The following TMEM272 variants were observed in gnomAD, a reference collection of about 807,000 sequenced individuals.
TMEM272 encodes the protein transmembrane protein 272, also known as long intergenic non-protein coding RNA 282.
Under a neutral mutation model 3.7 loss-of-function variants are expected in TMEM272, and 8 were observed. The observed-to-expected ratio is 2.17, with a 90% CI of 1.27 to 3.91. The LOEUF (loss-of-function observed/expected upper bound fraction) is 3.91. Ranked by LOEUF, TMEM272 falls within the 30% of genes most tolerant of loss-of-function variation. The pLI, the probability that TMEM272 is intolerant of heterozygous loss-of-function variation, is 0.00. For synonymous variants in TMEM272, 63 were observed against 39.8 expected (o/e 1.58, Z -2.20); for missense variants, 166 against 91.5 (o/e 1.81, Z -3.32).
At chr13:51,857,391 G>GA in the TMEM272 span, among the ~76,000 whole-genome samples, 1 of 152,040 alleles carries the variant, frequency 6.6e-6, no homozygotes, top group Non-Finnish European at 1.5e-5. Context: ...TGAAGAGCAT[G>GA]AAAAAAGGTA....
the TMEM272 span, among the ~76,000 whole-genome samples, chr13:51,858,215 C>T: frequency 6.6e-6 from 1 of 152,094 alleles, no homozygotes; most frequent in Non-Finnish European, 1.5e-5. Context: ...AAGATTTGAA[C>T]AACATAGGTA....
chr13:51,829,177 CAT>C (rs1956151683), intron 2 of TMEM272, among the ~76,000 whole-genome samples: 1 of 152,118 alleles, frequency 6.6e-6, no homozygotes, highest in Non-Finnish European at 1.5e-5. Context: ...AGTGACTCAA[CAT>C]ATGAGTTAAA....
the TMEM272 span, among the ~76,000 whole-genome samples, chr13:51,900,675 T>A: frequency 2.6e-5 from 4 of 152,104 alleles, no homozygotes; most frequent in Non-Finnish European, 5.9e-5. Context: ...CATGTCAGCA[T>A]TATTCATAGT....
At chr13:51,879,215 G>T in the TMEM272 span, among the ~76,000 whole-genome samples, 1 of 152,148 alleles carries the variant, frequency 6.6e-6, no homozygotes, top group Admixed American at 6.5e-5. Flanking sequence ...CAGAGATAGC[G>T]AGGTGAGAGC....
the TMEM272 span, among the ~76,000 whole-genome samples, chr13:51,901,399 G>A: frequency 6.6e-6 from 1 of 152,108 alleles, no homozygotes; most frequent in Admixed American, 6.5e-5. Flanking sequence ...TCCTGCTAGA[G>A]GGGTGGCGCC....
chr13:51,894,825 T>C, the TMEM272 span, among the ~76,000 whole-genome samples: 4 of 151,986 alleles, frequency 2.6e-5, no homozygotes, highest in Non-Finnish European at 1.5e-5. Flanking sequence ...TACATTGTAA[T>C]ATATAACGGA....
chr13:51,872,293 A>G, the TMEM272 span, among the ~76,000 whole-genome samples: 5 of 152,204 alleles, frequency 3.3e-5, no homozygotes, highest in Admixed American at 2.6e-4. Context: ...TTATTGGACA[A>G]TATGACAGCA....
the TMEM272 span, among the ~76,000 whole-genome samples, chr13:51,851,258 T>C: frequency 6.6e-6 from 1 of 151,894 alleles, no homozygotes; most frequent in Admixed American, 6.6e-5. Context: ...CACTTGAGCC[T>C]GAGATGTGGA....
chr13:51,837,196 T>C (rs1489901039), intron 2 of TMEM272, among the ~76,000 whole-genome samples: 1 of 152,230 alleles, frequency 6.6e-6, no homozygotes, highest in African/African-American at 2.4e-5. Flanking sequence ...ACATCCCTTT[T>C]TCTGGGAAAC....
chr13:51,905,205 G>A, the TMEM272 span, among the ~76,000 whole-genome samples: 1 of 152,310 alleles, frequency 6.6e-6, no homozygotes, highest in South Asian at 2.1e-4. Context: ...GTTCGTGCAG[G>A]GAGAGAGACT....
At chr13:51,867,301 C>T in the TMEM272 span, among the ~76,000 whole-genome samples, 3 of 152,202 alleles carry the variant, frequency 2.0e-5, no homozygotes, top group Admixed American at 2.0e-4. Context: ...AATGTGAGTG[C>T]ATGTGGTTCA....
chr13:51,828,635 T>C (rs966729961), intron 2 of TMEM272, among the ~76,000 whole-genome samples: 4 of 152,230 alleles, frequency 2.6e-5, no homozygotes, highest in Admixed American at 2.0e-4. Context: ...AGCATCTGGT[T>C]TGACGCTCTT....
chr13:51,833,843 G>A (rs1361396804), intron 2 of TMEM272, among the ~76,000 whole-genome samples: 2 of 152,138 alleles, frequency 1.3e-5, no homozygotes, highest in Admixed American at 1.3e-4. Flanking sequence ...GAAAAGAGAG[G>A]GCAACCTTGT....
At chr13:51,832,568 C>CTGTATTTGTACAGTT (rs1420314184) in intron 2 of TMEM272, among the ~76,000 whole-genome samples, 2 of 152,064 alleles carry the variant, frequency 1.3e-5, no homozygotes, top group Non-Finnish European at 2.9e-5. Flanking sequence ...CCCTTTCCAC[C>CTGTATTTGTACAGTT]TCCCTGTATC....
At chr13:51,822,946 C>T (rs1457983626) in intron 3 of TMEM272, among the ~76,000 whole-genome samples, 1 of 152,226 alleles carries the variant, frequency 6.6e-6, no homozygotes, top group African/African-American at 2.4e-5. Context: ...CTCAAACAAC[C>T]AAGCTCCAGA....
chr13:51,813,631 C>T lies in TMEM272; in HGVS notation c.*3120G>A. The T allele has an allele frequency of 5.0e-6, 1 of 199,552 alleles. No individual in the cohort carries two copies. Among genetic ancestry groups the T allele is most frequent in the Non-Finnish European group, 1.0e-5 (1 of 99,568 alleles). 12.4% of individuals were successfully genotyped at this position (199,552 alleles called of 1,614,324 possible). A position where few individuals can be genotyped will look rare whatever the true frequency, so the allele number is the denominator to read the frequency against. On this transcript the variant is annotated 3_prime_UTR_variant, in exon 5 of 5. Coordinates refer to ENST00000629372, the MANE Select transcript of TMEM272 (RefSeq NM_001351003.2). ...AACCAGCTGGGCCCCACAAGTCAGTCTCTGGGGGCTGTGATTCTGCATTGC... is the reference window on the plus strand; with the variant it reads ...AACCAGCTGGGCCCCACAAGTCAGTTTCTGGGGGCTGTGATTCTGCATTGC...
chr13:51,910,902 G>A, the TMEM272 span, among the ~76,000 whole-genome samples: 3 of 152,204 alleles, frequency 2.0e-5, no homozygotes, highest in Non-Finnish European at 4.4e-5. Context: ...AAAGACTCAG[G>A]TGACCCAGCA....
chr13:51,907,082 A>T, the TMEM272 span, among the ~76,000 whole-genome samples: 1 of 152,156 alleles, frequency 6.6e-6, no homozygotes, highest in Non-Finnish European at 1.5e-5. Context: ...TCTGGGGTGC[A>T]TCTGTGACTT....
chr13:51,844,641 C>A (rs925194052), intron 1 of TMEM272, among the ~76,000 whole-genome samples: 6 of 152,142 alleles, frequency 3.9e-5, no homozygotes. Flanking sequence ...CTCTACCACC[C>A]CTTTAAAATG....
Sources: allele counts gnomAD v4.1 joint callset (sites outside exome capture counted in the v4.1 genomes callset), GRCh38; gene constraint gnomAD v4.1.1; transcripts MANE v1.5; gene names NCBI Gene and HGNC (gene_info 2026-07-23, HGNC 2026-07-21).